The following SERGEF variants were observed in gnomAD, a reference collection of about 807,000 sequenced individuals.
The protein encoded by SERGEF is secretion-regulating guanine nucleotide exchange factor.
In SERGEF, 51 loss-of-function variants were observed where a neutral mutation model predicts 50.0. The observed-to-expected ratio is 1.02, with a 90% CI of 0.81 to 1.29. SERGEF has a LOEUF of 1.29. Ranked by LOEUF, SERGEF falls within the 50% of genes most tolerant of loss-of-function variation. The pLI is 0.00. For missense variants in SERGEF, 521 were observed against 557.0 expected, an observed-to-expected ratio of 0.94 and a Z score of 0.65; for synonymous variants, 205 against 212.4, an observed-to-expected ratio of 0.97 and a Z score of 0.30.
rs201497274 is a variant in SERGEF at position 17,819,839 on chromosome 11, TTTG to T, written c.1049-31429_1049-31427del. Among the ~76,000 whole-genome samples, 1,159 of 152,144 alleles carry T rather than the reference TTTG, an allele frequency of 7.6e-3. 17 individuals carry two copies. Among genetic ancestry groups the T allele is most frequent in the African/African-American group, 0.026 (1,094 of 41,494 alleles). The stretch of plus-strand genomic sequence containing the variant: ...GTAAAGCATGGCCCACTTTTGCTTT[TTTG>T]TTGTTGTTGTTGTTGAGATAGGGTC... On this transcript the variant is annotated intron_variant, in intron 10 of 10. Transcript: ENST00000265965.
rs1452669150 is a variant in SERGEF, at chr11:18,012,935, G to A, written c.60+16C>T. On this transcript the variant is annotated intron_variant, in intron 1 of 10. Transcript: ENST00000265965. ...CCCCTCAGGGCCTGCACCGGCCCGGGGGCGGAGTCACGTACCCAGGCGAAG... is the reference window on the plus strand; with the variant it reads ...CCCCTCAGGGCCTGCACCGGCCCGGAGGCGGAGTCACGTACCCAGGCGAAG... 2 of 1,518,220 alleles carry A rather than the reference G, an allele frequency of 1.3e-6. No individual in the cohort carries two copies. The highest frequency in any genetic ancestry group is 2.0e-4 in the Middle Eastern group (1 of 4,978). The allele number at this position is 1,518,220 out of a possible 1,614,324, so 94.0% of individuals were successfully genotyped here. A position where few individuals can be genotyped will look rare whatever the true frequency, so the allele number is the denominator to read the frequency against.
At chr11:17,998,470 T>A (rs1005171620) in intron 5 of SERGEF, among the ~76,000 whole-genome samples, 1 of 127,262 alleles carries the variant, frequency 7.9e-6, no homozygotes, top group Non-Finnish European at 1.6e-5. Context: ...TATATATATA[T>A]ATATATATAT....
chr11:17,910,293 G>C (rs572358433), intron 9 of SERGEF, among the ~76,000 whole-genome samples: 1 of 152,124 alleles, frequency 6.6e-6, no homozygotes, highest in Admixed American at 6.5e-5. Context: ...GTGCTACCCA[G>C]GTTAGAATGC....
intron 9 of SERGEF, among the ~76,000 whole-genome samples, chr11:17,956,155 T>C (rs1321974457): frequency 6.6e-6 from 1 of 151,872 alleles, no homozygotes; most frequent in Non-Finnish European, 1.5e-5. Flanking sequence ...GCCTACAAGG[T>C]CTAAAATCTC....
intron 9 of SERGEF, among the ~76,000 whole-genome samples, chr11:17,915,956 T>TG (rs1852041126): frequency 6.6e-6 from 1 of 152,238 alleles, no homozygotes; most frequent in African/African-American, 2.4e-5. Context: ...GTGCAGGGAC[T>TG]GTTGACGTAG....
rs1590237639 is a variant in SERGEF, at chr11:17,991,633, C to A, written c.685+1298G>T. Among the ~76,000 whole-genome samples the A allele has an allele frequency of 6.6e-6, 1 of 152,280 alleles. No individual in the cohort carries two copies. Among genetic ancestry groups the A allele is most frequent in the East Asian group, 1.9e-4 (1 of 5,180 alleles). On this transcript the variant is annotated intron_variant, in intron 7 of 10. Coordinates refer to ENST00000265965, the MANE Select transcript of SERGEF (RefSeq NM_012139.4). This position sits in a 1 kb window ranked among gnomAD's most constrained non-coding sequence, Gnocchi z 4.9. Reference sequence around the variant, plus strand: ...TAACAAATATTAATATATAAATCTACCTAATGTGAGACACAAGTTAAAAGT... The same window carrying A: ...TAACAAATATTAATATATAAATCTAACTAATGTGAGACACAAGTTAAAAGT...
chr11:18,005,025 A>G (rs891475454), intron 3 of SERGEF, among the ~76,000 whole-genome samples: 1 of 152,188 alleles, frequency 6.6e-6, no homozygotes, highest in African/African-American at 2.4e-5. Flanking sequence ...CCTGTGGGGA[A>G]AGCCTAGAGA....
intron 9 of SERGEF, among the ~76,000 whole-genome samples, chr11:17,951,219 T>C (rs373163670): frequency 3.9e-5 from 6 of 152,334 alleles, no homozygotes; most frequent in African/African-American, 1.4e-4. Context: ...TCATATGTCA[T>C]GAACCTAAAA....
intron 9 of SERGEF, among the ~76,000 whole-genome samples, chr11:17,894,288 G>T (rs769091051): frequency 6.6e-6 from 1 of 152,142 alleles, no homozygotes; most frequent in Admixed American, 6.5e-5. Context: ...AAGGAGAGAG[G>T]AGAAGAAGAA....
chr11:17,964,140 A>C (rs1164233017), intron 8 of SERGEF, among the ~76,000 whole-genome samples: 1 of 152,198 alleles, frequency 6.6e-6, no homozygotes, highest in Non-Finnish European at 1.5e-5. Flanking sequence ...GGTCCCGCTA[A>C]TGGGAATCAT....
chr11:17,911,347 A>T (rs537097693), intron 9 of SERGEF, among the ~76,000 whole-genome samples: 224 of 146,678 alleles, frequency 1.5e-3, no homozygotes, highest in African/African-American at 5.3e-3. Context: ...ATTATATATA[A>T]TATATATATT....
At chr11:17,859,236 T>C (rs1008629662) in intron 10 of SERGEF, among the ~76,000 whole-genome samples, 1 of 151,862 alleles carries the variant, frequency 6.6e-6, no homozygotes, top group Non-Finnish European at 1.5e-5. Context: ...ATAATTAATA[T>C]CCATAGAAAA....
intron 10 of SERGEF, among the ~76,000 whole-genome samples, chr11:17,862,103 C>T (rs1002778616): frequency 6.6e-6 from 1 of 152,186 alleles, no homozygotes; most frequent in Non-Finnish European, 1.5e-5. Flanking sequence ...TCCCACTGCT[C>T]TGCTCCCCTC....
At chr11:17,865,670 T>C (rs1332121551) in intron 10 of SERGEF, among the ~76,000 whole-genome samples, 1 of 152,136 alleles carries the variant, frequency 6.6e-6, no homozygotes, top group Non-Finnish European at 1.5e-5. Context: ...TTATAAAATA[T>C]ATTAAAAAAT....
At chr11:17,915,734 T>C (rs964806964) in intron 9 of SERGEF, among the ~76,000 whole-genome samples, 8 of 152,214 alleles carry the variant, frequency 5.3e-5, no homozygotes, top group African/African-American at 1.9e-4. Flanking sequence ...CAGCAAGGCA[T>C]GCAGACAGGA....
At chr11:17,867,687 C>A (rs1278358308) in intron 10 of SERGEF, among the ~76,000 whole-genome samples, 1 of 152,200 alleles carries the variant, frequency 6.6e-6, no homozygotes, top group Non-Finnish European at 1.5e-5. Context: ...CAGAAGTTCT[C>A]CATGAAGGCC....
At chr11:17,866,108 T>C (rs1851017696) in intron 10 of SERGEF, among the ~76,000 whole-genome samples, 1 of 152,240 alleles carries the variant, frequency 6.6e-6, no homozygotes, top group Non-Finnish European at 1.5e-5. Flanking sequence ...GCTGTCTCCC[T>C]GTCTGGCAAA....
chr11:17,944,722 T>A (rs745864064), intron 9 of SERGEF, among the ~76,000 whole-genome samples: 23 of 152,214 alleles, frequency 1.5e-4, no homozygotes, highest in Non-Finnish European at 3.1e-4. Flanking sequence ...AGATCCCGCA[T>A]GAAAAACCCG....
intron 10 of SERGEF, among the ~76,000 whole-genome samples, chr11:17,812,919 G>A (rs187753146): frequency 2.0e-5 from 3 of 152,208 alleles, no homozygotes; most frequent in Admixed American, 6.5e-5. Context: ...CCAAAGCCTC[G>A]GGTGCTTGGA....
Sources: gnomAD v4.1 joint callset for allele counts (sites outside exome capture counted in the v4.1 genomes callset) on GRCh38, gnomAD v4.1.1 for gene constraint, Gnocchi (gnomAD v3.1) non-coding constraint, MANE v1.5 for transcripts, NCBI Gene and HGNC (gene_info 2026-07-23, HGNC 2026-07-21) for gene names.